TTN: variants seen among roughly 807,000 people sequenced by gnomAD.
The protein encoded by TTN is connectin.
A neutral mutation model predicts 3,223.0 loss-of-function variants in TTN; 1,525 were observed. That is an observed-to-expected ratio of 0.47 (90% CI 0.45 to 0.49). The LOEUF (loss-of-function observed/expected upper bound fraction) is 0.49, where lower values mean the gene tolerates loss of function less well. Ranked by LOEUF, TTN falls within the 20% of genes least tolerant of loss-of-function variation. The pLI is 0.00. For missense variants in TTN, 40,786 were observed against 43,424.0 expected (o/e 0.94, Z 5.40); for synonymous variants, 14,094 against 15,161.0 (o/e 0.93, Z 5.17).
intron 47 of TTN, among the ~76,000 whole-genome samples, chr2:178,744,240 A>C (rs1201763981): frequency 6.6e-6 from 1 of 152,010 alleles, no homozygotes; most frequent in East Asian, 1.9e-4. Context: ...AGGTGGAGGG[A>C]GATAAAATTT....
chr2:178,671,209 T>G (rs1215795018), intron 155 of TTN, 39 bp from the exon 156 acceptor site: 2 of 1,500,734 alleles, frequency 1.3e-6, no homozygotes, highest in South Asian at 2.6e-5. Context: ...AATGAACTCT[T>G]GAAGTATTTT....
intron 118 of TTN, 115 bp from the exon 119 acceptor site, chr2:178,693,804 T>A: frequency 1.6e-6 from 2 of 1,233,332 alleles, no homozygotes; most frequent in Non-Finnish European, 2.3e-6. Flanking sequence ...ATGAAAAAGA[T>A]GACAGAATTT....
rs1057524454 is a variant in TTN at position 178,802,132 on chromosome 2, G to C, written c.295+6C>G. The C allele has an allele frequency of 2.5e-6, 4 of 1,613,890 alleles. No homozygotes were observed. The highest frequency in any genetic ancestry group is 3.4e-6 in the Non-Finnish European group (4 of 1,179,996). ...GCAGAGGATTGGCAGGTCCCCAGCAGCCTACCTTTCACGAGAAGCTCAGCA... is the reference window on the plus strand; with the variant it reads ...GCAGAGGATTGGCAGGTCCCCAGCACCCTACCTTTCACGAGAAGCTCAGCA... On this transcript the variant is annotated splice_donor_region_variant and intron_variant, in intron 3 of 362. Coordinates refer to ENST00000589042, the MANE Select transcript of TTN (RefSeq NM_001267550.2).
chr2:178,769,235 A>G (rs1348130569), intron 37 of TTN, among the ~76,000 whole-genome samples: 1 of 151,024 alleles, frequency 6.6e-6, no homozygotes, highest in African/African-American at 2.4e-5. Context: ...ACCACATACT[A>G]GATGTTTCAA....
At position 178,570,934 on chromosome 2, in the gene TTN, A is replaced by G. The variant is rs747507091; in HGVS notation, c.75198T>C (p.Phe25066=). Residue 25066 remains phenylalanine (F), a synonymous_variant, in exon 326 of 363, where the codon TTT becomes TTC. Coordinates refer to ENST00000589042, the MANE Select transcript of TTN (RefSeq NM_001267550.2). The part of the protein sequence containing the change: ...ASFTNIIDTH[F]EVTGLVEDHR... ...GATCTTCAACTAGGCCAGTTACTTC[A>G]AAATGAGTGTCAATAATATTTGTAA... 1 of 1,613,594 alleles carries G rather than the reference A, an allele frequency of 6.2e-7. No homozygotes were observed. The highest frequency in any genetic ancestry group is 8.5e-7 in the Non-Finnish European group (1 of 1,179,628).
Position 178,792,124 on chromosome 2 carries a change from G to A in TTN, c.1610C>T (p.Thr537Ile). Residue 537 changes from threonine to isoleucine, a missense_variant, in exon 10 of 363, where the codon ACT becomes ATT. Physicochemically the swap from Thr to Ile is moderately conservative, Grantham distance 89. Coordinates refer to ENST00000589042, the MANE Select transcript of TTN (RefSeq NM_001267550.2). ...ISAAKAKEQE[T>I]RISEEITKKQ... The stretch of plus-strand genomic sequence containing the variant: ...CTTAGTAATTTCTTCAGAAATTCTA[G>A]TTTCTTGTTCTTTGGCTTTAGCTGC... 6.2e-7 allele frequency: 1 copy of A among 1,612,434 alleles called. No homozygotes were observed. The highest frequency in any genetic ancestry group is 8.5e-7 in the Non-Finnish European group (1 of 1,179,296).
intron 206 of TTN, 62 bp downstream of exon 206, chr2:178,651,604 C>G (rs1300901231): frequency 1.2e-6 from 2 of 1,611,764 alleles, no homozygotes; most frequent in Non-Finnish European, 1.7e-6. Context: ...TGAAGCAGAA[C>G]AGTAGAATAT....
intron 127 of TTN, among the ~76,000 whole-genome samples, chr2:178,685,967 G>T (rs889650147): frequency 6.6e-6 from 1 of 152,074 alleles, no homozygotes; most frequent in African/African-American, 2.4e-5. Flanking sequence ...AGATTTGAAG[G>T]CCACAGGGCA....
intron 219 of TTN, 49 bp from the exon 220 acceptor site, chr2:178,641,364 A>T: frequency 1.8e-6 from 2 of 1,091,700 alleles, no homozygotes; most frequent in East Asian, 5.7e-5. Context: ...ACTAATGAAG[A>T]TGTTGAATAA....
rs767782229 is a variant in TTN, at chr2:178,574,157, T to G, written c.71975A>C (p.Asp23992Ala). 1.2e-6 allele frequency: 2 copies of G among 1,613,628 alleles called. No homozygotes were observed. The highest frequency in any genetic ancestry group is 1.7e-6 in the Non-Finnish European group (2 of 1,179,660). Reference sequence around the variant, plus strand: ...GATCACACGGAATTCATATGCAGCATCTTCTGTTAGGCCACTGACTGTAAA... The same window carrying G: ...GATCACACGGAATTCATATGCAGCAGCTTCTGTTAGGCCACTGACTGTAAA... Reference protein sequence around the residue: ...NEFTVSGLTEDAAYEFRVIAK... With the variant: ...NEFTVSGLTEAAAYEFRVIAK... The change falls in exon 326 of 363, where the codon GAT becomes GCT. Residue 23992 changes from aspartate to alanine, a missense_variant. Physicochemically the swap from Asp to Ala is moderately radical, Grantham distance 126 (BLOSUM62 -2). Transcript: ENST00000589042.
At position 178,631,090 on chromosome 2, in the gene TTN, C is replaced by CCA. The variant is rs1179838611; in HGVS notation, c.43956_43957dup (p.Gly14653ValfsTer35). ...TGTCCCACAGTCACAGGTGTACTGT[C>CCA]CAATATCTGATTTCAAGGCTTTCTT... On this transcript the variant is annotated frameshift_variant, in exon 237 of 363. Coordinates refer to ENST00000589042, the MANE Select transcript of TTN (RefSeq NM_001267550.2). LOFTEE classifies it high-confidence loss of function. 6.2e-7 allele frequency: 1 copy of CCA among 1,613,372 alleles called. No homozygotes were observed.
At position 178,728,952 on chromosome 2, in the gene TTN, A is replaced by G. The variant is rs1381937802; in HGVS notation, c.19086T>C (p.Tyr6362=). 3.1e-6 allele frequency: 5 copies of G among 1,612,700 alleles called. No individual in the cohort carries two copies. The highest frequency in any genetic ancestry group is 1.1e-5 in the South Asian group (1 of 90,940). The change falls in exon 65 of 363, where the codon TAT becomes TAC. Residue 6362 remains tyrosine (Y), a synonymous_variant. Coordinates refer to ENST00000589042, the MANE Select transcript of TTN (RefSeq NM_001267550.2). ...RSVDNGHSGR[Y]TCQAKNESGV... The stretch of plus-strand genomic sequence containing the variant: ...CTGACTCATTCTTGGCTTGACAGGT[A>G]TATCTCCCACTGTGTCCATTATCCA...
chr2:178,730,220 A>C lies in TTN; in HGVS notation c.18180T>G (p.Val6060=). 1 of 1,613,408 alleles carries C rather than the reference A, an allele frequency of 6.2e-7. No homozygotes were observed. The highest frequency in any genetic ancestry group is 1.1e-5 in the South Asian group (1 of 91,056). The change falls in exon 62 of 363, where the codon GTT becomes GTG. Residue 6060 remains valine (V), a synonymous_variant. Transcript: ENST00000589042. ...GACTGGTAGAGGTGTCATCCTTCCA[A>C]ACTGAGCGGGCTGCTCCTGAGTGTA... ...KELHSGAARS[V]WKDDTSTSLE...
At chr2:178,536,856 C>A (rs1691779849) in intron 356 of TTN, 82 bp downstream of exon 356, 2 of 1,307,072 alleles carry the variant, frequency 1.5e-6, no homozygotes, top group Non-Finnish European at 2.1e-6. Flanking sequence ...TATTTCCTTT[C>A]AAAATTTCTT....
chr2:178,640,205 T>C (rs72650072), intron 221 of TTN, 95 bp from the exon 222 acceptor site: 6 of 1,073,190 alleles, frequency 5.6e-6, no homozygotes, highest in Non-Finnish European at 8.3e-6. Context: ...TCTTGGAAGA[T>C]ATTAGAATTT....
At chr2:178,787,569 C>A (rs958346976) in intron 13 of TTN, among the ~76,000 whole-genome samples, 1 of 151,968 alleles carries the variant, frequency 6.6e-6, no homozygotes, top group Non-Finnish European at 1.5e-5. Flanking sequence ...TCATTTGAAC[C>A]TTTTAGCCAG....
chr2:178,649,800 CA>C lies in TTN; in HGVS notation c.39895+16del, dbSNP rs761838184. 49 of 1,608,088 alleles carry C rather than the reference CA, an allele frequency of 3.0e-5. No individual in the cohort carries two copies. The East Asian group carries it at 1.0e-3, about 33-fold the overall frequency. The stretch of plus-strand genomic sequence containing the variant: ...GTAGACACCACAAAAATGAAGTATT[CA>C]TTTTAACATGAGTACCTTTAGGAGG... On this transcript the variant is annotated intron_variant, in intron 211 of 362. Transcript: ENST00000589042.
chr2:178,587,243 G>A lies in TTN; in HGVS notation c.63968C>T (p.Thr21323Ile). 6.2e-7 allele frequency: 1 copy of A among 1,613,146 alleles called. No individual in the cohort carries two copies. The highest frequency in any genetic ancestry group is 1.3e-5 in the African/African-American group (1 of 74,952). The change falls in exon 307 of 363, where the codon ACA (threonine) becomes ATA (isoleucine). Residue 21323 changes from threonine to isoleucine, a missense_variant. Thr to Ile is a moderately conservative substitution (Grantham distance 89, BLOSUM62 -1). Transcript: ENST00000589042. Reference protein sequence around the residue: ...WSTVTPEVKKTSFHVTNLVPG... With the variant: ...WSTVTPEVKKISFHVTNLVPG... ...GACAAGATTGGTTACATGGAAGCTT[G>A]TTTTCTTAACTTCTGGGGTAACGGT...
chr2:178,693,965 C>A lies in TTN; in HGVS notation c.31470G>T (p.Lys10490Asn). ...HTKKMVISEEKMFFASHTEEE... is the reference protein window; with the variant it reads ...HTKKMVISEENMFFASHTEEE... ...CCTCTGTGTGAGAAGCAAAGAACAT[C>A]TTTTCTTCTGAAATAACCATCTTCT... Residue 10490 changes from lysine to asparagine, a missense_variant, in exon 118 of 363, where the codon AAG (lysine) becomes AAT (asparagine). By Grantham distance (94) the Lys-to-Asn change is moderately conservative. Coordinates refer to ENST00000589042, the MANE Select transcript of TTN (RefSeq NM_001267550.2). 6.2e-7 allele frequency: 1 copy of A among 1,612,838 alleles called. No homozygotes were observed. Among genetic ancestry groups the A allele is most frequent in the Non-Finnish European group, 8.5e-7 (1 of 1,179,298 alleles).
Sources: gnomAD v4.1 joint callset for allele counts (sites outside exome capture counted in the v4.1 genomes callset) on GRCh38, gnomAD v4.1.1 for gene constraint, MANE v1.5 for transcripts, NCBI Gene and HGNC (gene_info 2026-07-23, HGNC 2026-07-21) for gene names.